Variants in AGL observed in about 807,000 individuals in gnomAD.
AGL encodes amylo-alpha-1,6-glucosidase and 4-alpha-glucanotransferase, also known as glycogen debranching enzyme.
AGL carries 128 observed loss-of-function variants against 199.3 expected under a neutral mutation model. That is an observed-to-expected ratio of 0.64 (90% confidence interval 0.56 to 0.74). AGL has a LOEUF of 0.74. Among genes scored for constraint, AGL ranks in the 30% least tolerant of loss-of-function variants. The pLI is 0.00. For missense variants in AGL, 1,809 were observed against 1,820.8 expected (o/e 0.99, Z 0.12); for synonymous variants, 584 against 594.7 (o/e 0.98, Z 0.26).
At chr1:99,891,855 G>A in intron 23 of AGL, 116 bp downstream of exon 23, 9 of 1,239,366 alleles carry the variant, frequency 7.3e-6, no homozygotes, top group African/African-American at 1.5e-5. Context: ...GAACTGAAAA[G>A]GCTTGTAGGT....
chr1:99,895,544 TTAAGG>T (rs987973001), intron 24 of AGL, among the ~76,000 whole-genome samples: 4 of 152,336 alleles, frequency 2.6e-5, no homozygotes, highest in Admixed American at 6.5e-5. Context: ...TTAGGTATCA[TTAAGG>T]TAATAATTTC....
At chr1:99,900,227 G>A (rs1481194662) in intron 25 of AGL, among the ~76,000 whole-genome samples, 1 of 152,162 alleles carries the variant, frequency 6.6e-6, no homozygotes, top group Non-Finnish European at 1.5e-5. Context: ...ACTATGCCCA[G>A]CCAGTTTGTT....
chr1:99,855,980 A>C (rs1335433208), intron 2 of AGL, among the ~76,000 whole-genome samples: 4 of 152,218 alleles, frequency 2.6e-5, no homozygotes, highest in African/African-American at 9.6e-5. Context: ...AAAAGATAGA[A>C]CATATTTATT....
In AGL at chr1:99,861,681, A is replaced by G. The variant is rs370304606; in HGVS notation, c.261A>G (p.Gln87=). 67 of 1,613,604 alleles carry G rather than the reference A, an allele frequency of 4.2e-5. No individual in the cohort carries two copies. Among genetic ancestry groups the G allele is most frequent in the Non-Finnish European group, 5.3e-5 (63 of 1,179,730 alleles). The change falls in exon 3 of 34, where the codon CAA becomes CAG. Residue 87 remains glutamine, a synonymous_variant. Coordinates refer to ENST00000361915, the MANE Select transcript of AGL (RefSeq NM_000642.3). ...AATACTGTAAACTTAATCTGCAACA[A>G]TCTGGTTCATTTCAGTATTATTTCC... ...SDKYCKLNLQ[Q]SGSFQYYFLQ... is the part of the protein sequence containing the mutation.
rs750705888 is a variant in AGL, at chr1:99,874,801, T to TACC, written c.1076_1078dup (p.Pro359dup). 16 of 1,613,714 alleles carry TACC rather than the reference T, an allele frequency of 9.9e-6. No homozygotes were observed. The African/African-American group carries it at 1.9e-4, about 19-fold the overall frequency. On this transcript the variant is annotated inframe_insertion, in exon 8 of 34. Transcript: ENST00000361915. Reference sequence around the variant, plus strand: ...ATGAACATTGCACTAACGACTTTCATACCACATGAGTATGTAATGTGTTTT... The same window carrying TACC: ...ATGAACATTGCACTAACGACTTTCATACCACCACATGAGTATGTAATGTGTTTT...
At chr1:99,916,962 G>A (rs1044401939) in intron 33 of AGL, among the ~76,000 whole-genome samples, 13 of 152,086 alleles carry the variant, frequency 8.5e-5, no homozygotes, top group African/African-American at 2.9e-4. Flanking sequence ...ATTTATACAT[G>A]TGGAATAGTC....
chr1:99,851,349 C>A (rs532393116), intron 2 of AGL, among the ~76,000 whole-genome samples: 1 of 152,266 alleles, frequency 6.6e-6, no homozygotes, highest in South Asian at 2.1e-4. Context: ...TAAAATAGTT[C>A]TCTTTTCTCT....
intron 31 of AGL, 32 bp downstream of exon 31, chr1:99,915,518 T>C (rs746864780): frequency 6.6e-7 from 1 of 1,518,298 alleles, no homozygotes; most frequent in Non-Finnish European, 9.1e-7. Context: ...AAGAATGTTA[T>C]CATATTTAAT....
intron 20 of AGL, among the ~76,000 whole-genome samples, chr1:99,887,257 A>G (rs1652521660): frequency 1.3e-5 from 2 of 152,228 alleles, no homozygotes; most frequent in African/African-American, 4.8e-5. Flanking sequence ...AAGAAAATAC[A>G]GTTTCAGCTG....
intron 25 of AGL, among the ~76,000 whole-genome samples, chr1:99,897,837 G>A (rs895606071): frequency 1.3e-5 from 2 of 151,986 alleles, no homozygotes; most frequent in African/African-American, 4.8e-5. Context: ...AGTAATATCT[G>A]CCACATGCCT....
chr1:99,915,566 T>G, intron 31 of AGL, 80 bp downstream of exon 31: 2 of 1,153,198 alleles, frequency 1.7e-6, no homozygotes, highest in Non-Finnish European at 2.6e-6. Context: ...TTTTTTTTTT[T>G]GCCAGGGCAA....
chr1:99,858,588 C>A (rs941978803), intron 2 of AGL, among the ~76,000 whole-genome samples: 1 of 152,150 alleles, frequency 6.6e-6, no homozygotes, highest in Non-Finnish European at 1.5e-5. Context: ...CCAACCCTTG[C>A]TATAGTGAAA....
intron 28 of AGL, 133 bp downstream of exon 28, chr1:99,910,980 A>G: frequency 1.1e-6 from 1 of 890,840 alleles, no homozygotes; most frequent in Non-Finnish European, 1.8e-6. Context: ...TCTTCCCTTC[A>G]TCTCCCCATT....
At chr1:99,907,139 T>C (rs1462489041) in intron 27 of AGL, among the ~76,000 whole-genome samples, 1 of 152,208 alleles carries the variant, frequency 6.6e-6, no homozygotes, top group East Asian at 1.9e-4. Flanking sequence ...TATATGTTTG[T>C]TTGCCAATTA....
Position 99,902,816 on chromosome 1 carries a change from A to G in AGL, c.3700+22A>G, listed in dbSNP as rs1653949419. The G allele has an allele frequency of 5.1e-6, 8 of 1,555,638 alleles. No homozygotes were observed. In the East Asian group the frequency reaches 1.3e-4, roughly 26 times the overall value. ...GAAGGTACAGAACTTTAACTAAAAT[A>G]GTACAAATTTATCAAGGTGATGAAA... On this transcript the variant is annotated intron_variant, in intron 27 of 33. Coordinates refer to ENST00000361915, the MANE Select transcript of AGL (RefSeq NM_000642.3).
At position 99,913,658 on chromosome 1, in the gene AGL, A is replaced by G. The variant is rs1397039239; in HGVS notation, c.4081A>G (p.Ile1361Val). The change falls in exon 30 of 34, where the codon ATA becomes GTA. Residue 1361 changes from isoleucine (I) to valine (V), a missense_variant. Transcript: ENST00000361915. ...KHPNLVHKRG[I>V]YKDSYGASSP... ...TCCAAATCTGGTTCACAAACGTGGC[A>G]TATACAAAGATAGTTATGGAGCTTC... The G allele has an allele frequency of 1.2e-6, 2 of 1,614,138 alleles. No homozygotes were observed. Among genetic ancestry groups the G allele is most frequent in the South Asian group, 2.2e-5 (2 of 91,086 alleles).
Position 99,875,420 on chromosome 1 carries a change from A to C in AGL, c.1248A>C (p.Leu416=). 6.2e-7 allele frequency: 1 copy of C among 1,614,156 alleles called. No individual in the cohort carries two copies. Among genetic ancestry groups the C allele is most frequent in the Admixed American group, 1.7e-5 (1 of 60,020 alleles). The change falls in exon 10 of 34, where the codon CTA becomes CTC. Residue 416 remains leucine, a synonymous_variant. Coordinates refer to ENST00000361915, the MANE Select transcript of AGL (RefSeq NM_000642.3). ...YERLAGHGPK[L]GPVTRKHPLV... ...GACTGGCTGGCCATGGTCCAAAACT[A>C]GGACCTGTCACTAGAAAGCATCCTT...
chr1:99,884,029 TTTAAG>T, intron 17 of AGL, 86 bp from the exon 18 acceptor site: 1 of 1,104,226 alleles, frequency 9.1e-7, no homozygotes, highest in African/African-American at 1.6e-5. Flanking sequence ...TGTTTTCAAC[TTTAAG>T]TTAAATGATT....
chr1:99,890,136 C>T (rs1652764606), intron 21 of AGL, among the ~76,000 whole-genome samples: 1 of 152,134 alleles, frequency 6.6e-6, no homozygotes, highest in African/African-American at 2.4e-5. Context: ...CTTTTTATTA[C>T]CACAGTTTTC....
Sources: gnomAD v4.1 joint callset for allele counts (sites outside exome capture counted in the v4.1 genomes callset) on GRCh38, gnomAD v4.1.1 for gene constraint, MANE v1.5 for transcripts, NCBI Gene and HGNC (gene_info 2026-07-23, HGNC 2026-07-21) for gene names.